The following PDILT variants were observed in gnomAD, a reference collection of about 807,000 sequenced individuals.
The protein encoded by PDILT is protein disulfide isomerase like, testis expressed, also known as protein disulfide-isomerase-like protein of the testis.
In PDILT, 43 loss-of-function variants were observed where a neutral mutation model predicts 53.7. That is an observed-to-expected ratio of 0.80 (90% CI 0.63 to 1.03). PDILT has a LOEUF of 1.03. PDILT is among the 50% of genes least tolerant of loss of function. PDILT has a pLI of 0.00. For missense variants in PDILT, 727 were observed against 712.3 expected, an observed-to-expected ratio of 1.02 and a Z score of -0.24; for synonymous variants, 282 against 274.2, an observed-to-expected ratio of 1.03 and a Z score of -0.28.
intron 2 of PDILT, among the ~76,000 whole-genome samples, chr16:20,394,426 C>T (rs1403034362): frequency 1.3e-5 from 2 of 152,056 alleles, no homozygotes; most frequent in Non-Finnish European, 2.9e-5. Flanking sequence ...TGTGGGTTCC[C>T]CAGGCCTGGT....
At chr16:20,367,010 TTCTC>T (rs1278914164) in intron 8 of PDILT, among the ~76,000 whole-genome samples, 10 of 149,142 alleles carry the variant, frequency 6.7e-5, no homozygotes, top group South Asian at 4.4e-4. Context: ...CTTTATTTAT[TTCTC>T]TCTCTCTTTC....
chr16:20,359,226 C>A lies in PDILT; in HGVS notation c.*93G>T. The A allele has an allele frequency of 5.8e-6, 9 of 1,546,768 alleles. No individual in the cohort carries two copies. The highest frequency in any genetic ancestry group is 7.0e-6 in the Non-Finnish European group (8 of 1,150,770). On this transcript the variant is annotated 3_prime_UTR_variant, in exon 12 of 12. Coordinates refer to ENST00000302451, the MANE Select transcript of PDILT (RefSeq NM_174924.2). ...CCTACCCCCGCCCCACCTACCCTAC[C>A]ACAATGATATATGCTTTTATTGGAA...
chr16:20,399,746 C>T (rs1966706565), intron 1 of PDILT, among the ~76,000 whole-genome samples: 1 of 150,508 alleles, frequency 6.6e-6, no homozygotes, highest in African/African-American at 2.4e-5. Context: ...CCTCCAGCTC[C>T]TGCTTGAATG....
At chr16:20,359,729 T>C (rs1471054758) in intron 11 of PDILT, among the ~76,000 whole-genome samples, 162 bp from the exon 12 acceptor site, 1 of 152,240 alleles carries the variant, frequency 6.6e-6, no homozygotes, top group Non-Finnish European at 1.5e-5. Context: ...TTTTCACAGA[T>C]GCTGAAGATC....
chr16:20,377,218 T>C (rs185390750), intron 3 of PDILT, among the ~76,000 whole-genome samples: 2 of 151,876 alleles, frequency 1.3e-5, no homozygotes, highest in African/African-American at 2.4e-5. Flanking sequence ...AGCCCAGGAG[T>C]TCAAGGCTGC....
At position 20,365,527 on chromosome 16, in the gene PDILT, CT is replaced by C; in HGVS notation, c.1129del (p.Ser377ValfsTer23). ...GTCCCAGTATTTTGGAATCTCTTCACTGGATTGATGTTTCTAGGAAGCACAT... is the reference window on the plus strand; with the variant it reads ...GTCCCAGTATTTTGGAATCTCTTCACGGATTGATGTTTCTAGGAAGCACAT... ...LSKNATKHQS[S>X]EEIPKYWDQG... On this transcript the variant is annotated frameshift_variant, in exon 9 of 12. Coordinates refer to ENST00000302451, the MANE Select transcript of PDILT (RefSeq NM_174924.2). LOFTEE classifies it high-confidence loss of function. 1 of 1,614,178 alleles carries C rather than the reference CT, an allele frequency of 6.2e-7. No homozygotes were observed. The highest frequency in any genetic ancestry group is 2.2e-5 in the East Asian group (1 of 44,888).
In PDILT at chr16:20,366,965, TTCCTTCCTTCCTTCCTTCCTTC is replaced by T. The variant is rs1365967039; in HGVS notation, c.1117-1447_1117-1426del. Among the ~76,000 whole-genome samples the T allele has an allele frequency of 7.8e-3, 1,148 of 147,272 alleles. 53 individuals carry two copies. Among genetic ancestry groups the T allele is most frequent in the African/African-American group, 0.021 (818 of 39,462 alleles). On this transcript the variant is annotated intron_variant, in intron 8 of 11. Transcript: ENST00000302451. ...CTTCCTTCCTTCCTTCCTTCCTTCC[TTCCTTCCTTCCTTCCTTCCTTC>T]CTTTCTTTCTTTCTTTATTTATTTC...
intron 2 of PDILT, among the ~76,000 whole-genome samples, chr16:20,391,472 C>G (rs1966606463): frequency 6.6e-6 from 1 of 152,168 alleles, no homozygotes; most frequent in Non-Finnish European, 1.5e-5. Context: ...GCCTTAGGGA[C>G]AAGTGATAAA....
In PDILT at chr16:20,360,597, T is replaced by G; in HGVS notation, c.1477A>C (p.Ile493Leu). ...TCCTCATCCTCAATCTTAGTTTTGA[T>G]GTGGCTTTCCAGGAAGTCAGAGAAG... Reference protein sequence around the residue: ...KGFSDFLESHIKTKIEDEDEL... With the variant: ...KGFSDFLESHLKTKIEDEDEL... The change falls in exon 11 of 12, where the codon ATC becomes CTC. Residue 493 changes from isoleucine (I) to leucine (L), a missense_variant. Ile to Leu is a conservative substitution (Grantham distance 5, BLOSUM62 2). Transcript: ENST00000302451. 1 of 1,614,114 alleles carries G rather than the reference T, an allele frequency of 6.2e-7. No homozygotes were observed. The highest frequency in any genetic ancestry group is 8.5e-7 in the Non-Finnish European group (1 of 1,179,936).
chr16:20,372,434 G>T (rs1392461128), intron 7 of PDILT, among the ~76,000 whole-genome samples: 1 of 152,080 alleles, frequency 6.6e-6, no homozygotes, highest in African/African-American at 2.4e-5. Context: ...AAACAGCAGT[G>T]GTCTTTCCTG....
At chr16:20,359,713 G>T in intron 11 of PDILT, 146 bp from the exon 12 acceptor site, 1 of 837,792 alleles carries the variant, frequency 1.2e-6, no homozygotes, top group Non-Finnish European at 1.8e-6. Context: ...TCTTTGGACT[G>T]CAGGGTTTTC....
chr16:20,399,336 C>A, intron 1 of PDILT, 29 bp from the exon 2 acceptor site: 1 of 1,607,598 alleles, frequency 6.2e-7, no homozygotes, highest in Non-Finnish European at 8.5e-7. Context: ...GAACAGAGAC[C>A]TTATCAACAC....
At chr16:20,394,728 C>T (rs1385302186) in intron 2 of PDILT, among the ~76,000 whole-genome samples, 1 of 152,222 alleles carries the variant, frequency 6.6e-6, no homozygotes, top group African/African-American at 2.4e-5. Flanking sequence ...GGCATCATTT[C>T]CAGGCCTAGC....
intron 3 of PDILT, among the ~76,000 whole-genome samples, chr16:20,384,434 G>A (rs538352955): frequency 9.2e-5 from 14 of 152,198 alleles, no homozygotes; most frequent in East Asian, 3.9e-4. Context: ...AACAGTACCC[G>A]TGGTGACCTT....
intron 3 of PDILT, among the ~76,000 whole-genome samples, chr16:20,379,399 C>T (rs1222348575): frequency 6.6e-6 from 1 of 152,160 alleles, no homozygotes; most frequent in Non-Finnish European, 1.5e-5. Flanking sequence ...TCTCGAACTC[C>T]AGGTGATCCT....
Position 20,359,416 on chromosome 16 carries a change from C to T in PDILT, c.1658G>A (p.Gly553Glu). The T allele has an allele frequency of 1.2e-6, 2 of 1,614,144 alleles. No individual in the cohort carries two copies. Among genetic ancestry groups the T allele is most frequent in the Non-Finnish European group, 1.7e-6 (2 of 1,180,030 alleles). ...KYVSKLEEPA[G>E]KKKTSEEVVV... ...CACCTCCTCAGATGTTTTCTTCTTC[C>T]CAGCGGGCTCTTCCAGCTTGGATAC... The change falls in exon 12 of 12, where the codon GGG becomes GAG. Residue 553 changes from glycine to glutamate, a missense_variant. Physicochemically the swap from Gly to Glu is moderately conservative, Grantham distance 98. Transcript: ENST00000302451.
At chr16:20,384,338 C>A (rs1442218770) in intron 3 of PDILT, among the ~76,000 whole-genome samples, 1 of 152,168 alleles carries the variant, frequency 6.6e-6, no homozygotes, top group African/African-American at 2.4e-5. Context: ...GCCTTTCTTG[C>A]AGCTGGTTCT....
chr16:20,365,453 AG>A lies in PDILT; in HGVS notation c.1203del (p.Phe402LeufsTer9). On this transcript the variant is annotated frameshift_variant, in exon 9 of 12. Coordinates refer to ENST00000302451, the MANE Select transcript of PDILT (RefSeq NM_174924.2). LOFTEE classifies it high-confidence loss of function. ...QLVGKNFNVV[V>X]FDKEKDVFVM... ...ACAAATACGTCCTTTTCTTTGTCAA[AG>A]ACGACTACGTTGAAGTTCTTCCCCA... The A allele has an allele frequency of 6.2e-7, 1 of 1,614,060 alleles. No homozygotes were observed. The highest frequency in any genetic ancestry group is 8.5e-7 in the Non-Finnish European group (1 of 1,179,916).
At chr16:20,372,986 C>T in intron 6 of PDILT, 26 bp downstream of exon 6, 1 of 1,613,468 alleles carries the variant, frequency 6.2e-7, no homozygotes, top group Non-Finnish European at 8.5e-7. Context: ...AGCTCCCCTT[C>T]CTCCGGGGAC....
Sources: allele counts gnomAD v4.1 joint callset (sites outside exome capture counted in the v4.1 genomes callset), GRCh38; gene constraint gnomAD v4.1.1; transcripts MANE v1.5; gene names NCBI Gene and HGNC (gene_info 2026-07-23, HGNC 2026-07-21).